CCDC146: variants seen among roughly 807,000 people sequenced by gnomAD.
The protein encoded by CCDC146 is coiled-coil domain containing 146, also known as coiled-coil domain-containing protein 146.
CCDC146 carries 92 observed loss-of-function variants against 119.3 expected under a neutral mutation model. That is an observed-to-expected ratio of 0.77 (90% confidence interval 0.65 to 0.92). The LOEUF is 0.92. Ranked by LOEUF, CCDC146 falls within the 40% of genes least tolerant of loss-of-function variation. The probability of loss-of-function intolerance (pLI) is 0.00; values close to 1 mark genes in which losing one functional copy is unlikely to be tolerated. For missense variants in CCDC146, 1,000 were observed against 1,103.0 expected (o/e 0.91, Z 1.32); for synonymous variants, 372 against 371.8 (o/e 1.00, Z -0.01).
Position 77,295,077 on chromosome 7 carries a change from T to G in CCDC146, c.*211T>G. The G allele has an allele frequency of 1.9e-6, 1 of 519,056 alleles. No individual in the cohort carries two copies. The highest frequency in any genetic ancestry group is 3.4e-6 in the Non-Finnish European group (1 of 293,726). The allele number at this position is 519,056 out of a possible 1,614,324, so 32.2% of individuals were successfully genotyped here. A position where few individuals can be genotyped will look rare whatever the true frequency, so the allele number is the denominator to read the frequency against. On this transcript the variant is annotated 3_prime_UTR_variant, in exon 19 of 19. Transcript: ENST00000285871. ...AATGGGACATAGAACTGTCCTACATTTATGTCAAAGTATATATTTGAATCG... is the reference window on the plus strand; with the variant it reads ...AATGGGACATAGAACTGTCCTACATGTATGTCAAAGTATATATTTGAATCG...
At chr7:77,155,358 G>A (rs898277454) in intron 1 of CCDC146, among the ~76,000 whole-genome samples, 3 of 151,984 alleles carry the variant, frequency 2.0e-5, no homozygotes, top group Non-Finnish European at 4.4e-5. Flanking sequence ...GATTTACACT[G>A]TGTTGGCTTG....
In CCDC146 at chr7:77,267,712, T is replaced by A. The variant is rs1340230278; in HGVS notation, c.1173+5405T>A. 3.9e-5 allele frequency among the ~76,000 whole-genome samples: 6 copies of A among 152,332 alleles called. No homozygotes were observed. In the East Asian group the frequency reaches 1.2e-3, roughly 29 times the overall value. On this transcript the variant is annotated intron_variant, in intron 9 of 18. Transcript: ENST00000285871. ...CGTGCCTGAGCCATGTGATATTATA[T>A]AATTACCCTTACAAAATTTTGTGTT...
chr7:77,129,466 A>G (rs1317096989), intron 1 of CCDC146, among the ~76,000 whole-genome samples: 7 of 152,074 alleles, frequency 4.6e-5, no homozygotes, highest in Non-Finnish European at 1.0e-4. Context: ...AAAAAACTAT[A>G]TGCTGAGATT....
chr7:77,213,321 G>C (rs1377505693), intron 2 of CCDC146, among the ~76,000 whole-genome samples: 1 of 151,572 alleles, frequency 6.6e-6, no homozygotes, highest in Non-Finnish European at 1.5e-5. Context: ...TTAAATTCCT[G>C]ATTTCAATCA....
intron 9 of CCDC146, 61 bp from the exon 10 acceptor site, chr7:77,273,633 C>T (rs991966906): frequency 2.7e-5 from 35 of 1,285,776 alleles, no homozygotes; most frequent in Non-Finnish European, 1.4e-5. Flanking sequence ...CAATTCTCTG[C>T]CTCAGCCTCC....
chr7:77,149,953 A>G (rs3095453), intron 1 of CCDC146, among the ~76,000 whole-genome samples: 22,250 of 151,560 alleles, frequency 0.15, 2,343 homozygotes, highest in Non-Finnish European at 0.21. Flanking sequence ...ATTCAATGGG[A>G]AGAAGATCTT....
chr7:77,197,740 G>C (rs1319071237), intron 2 of CCDC146, among the ~76,000 whole-genome samples: 1 of 152,264 alleles, frequency 6.6e-6, no homozygotes, highest in Admixed American at 6.5e-5. Context: ...AAGTGAAAAA[G>C]AAGTATCTTT....
At chr7:77,155,380 A>G (rs993828970) in intron 1 of CCDC146, among the ~76,000 whole-genome samples, 21 of 152,062 alleles carry the variant, frequency 1.4e-4, no homozygotes, top group Non-Finnish European at 2.8e-4. Context: ...TTTTTCTAAA[A>G]GAGTCCTAGC....
At chr7:77,216,626 CTT>C (rs935617398) in intron 2 of CCDC146, among the ~76,000 whole-genome samples, 4 of 152,128 alleles carry the variant, frequency 2.6e-5, no homozygotes, top group African/African-American at 9.7e-5. Flanking sequence ...TAACTCCTCT[CTT>C]AGAATCCCTA....
intron 2 of CCDC146, among the ~76,000 whole-genome samples, chr7:77,225,627 T>C (rs1303613598): frequency 6.7e-6 from 1 of 149,052 alleles, no homozygotes; most frequent in East Asian, 2.0e-4. Context: ...ACTTGACTAC[T>C]AGACTATGCT....
chr7:77,232,953 C>G (rs535820807), intron 2 of CCDC146, among the ~76,000 whole-genome samples: 1 of 152,308 alleles, frequency 6.6e-6, no homozygotes, highest in African/African-American at 2.4e-5. Flanking sequence ...GCCACAGTTT[C>G]TTGCTGAGCT....
In CCDC146 at chr7:77,280,667, G is replaced by A. The variant is rs1297365505; in HGVS notation, c.1919+14G>A. ...TCGAAATGAAAGGTAAAAACCAGGT[G>A]TGAGAACAGAGCACCAGGGATCCAA... On this transcript the variant is annotated intron_variant, in intron 14 of 18. Coordinates refer to ENST00000285871, the MANE Select transcript of CCDC146 (RefSeq NM_020879.3). The A allele has an allele frequency of 6.3e-7, 1 of 1,583,270 alleles. No homozygotes were observed. The highest frequency in any genetic ancestry group is 8.6e-7 in the Non-Finnish European group (1 of 1,158,814).
At chr7:77,163,695 A>G (rs1162707726) in intron 1 of CCDC146, among the ~76,000 whole-genome samples, 1 of 152,110 alleles carries the variant, frequency 6.6e-6, no homozygotes, top group Non-Finnish European at 1.5e-5. Context: ...TTTTGCTTCA[A>G]AATAACCTAG....
At chr7:77,242,214 T>C in intron 4 of CCDC146, 1 of 347,858 alleles carries the variant, frequency 2.9e-6, no homozygotes, top group Non-Finnish European at 5.1e-6. Context: ...TCCCCTGCCC[T>C]GGCAGTGGCC....
rs779197829 is a variant in CCDC146 at position 77,279,080 on chromosome 7, A to G, written c.1673A>G (p.Asn558Ser). The change falls in exon 13 of 19, where the codon AAT (asparagine) becomes AGT (serine). Residue 558 changes from asparagine (N) to serine (S), a missense_variant. Coordinates refer to ENST00000285871, the MANE Select transcript of CCDC146 (RefSeq NM_020879.3). Reference protein sequence around the residue: ...MSLNELEILRNSAVSQERKLQ... With the variant: ...MSLNELEILRSSAVSQERKLQ... ...TTAAATGAACTTGAAATTCTGAGAA[A>G]TAGTGCCGTTAGTCAAGAAAGGTAA... is the stretch of plus-strand genomic sequence containing the variant. 1 of 1,610,720 alleles carries G rather than the reference A, an allele frequency of 6.2e-7. No homozygotes were observed. The highest frequency in any genetic ancestry group is 1.1e-5 in the South Asian group (1 of 90,142).
In CCDC146 at chr7:77,293,134, G is replaced by C; in HGVS notation, c.2598G>C (p.Glu866Asp). ...EKGLPLNKEI[E>D]KEWLKVLRDE... ...GTCTGCCACTCAATAAGGAAATTGA[G>C]AAAGAATGGTTGAAAGTCCTTCGAG... Residue 866 changes from glutamate (E) to aspartate (D), a missense_variant, in exon 18 of 19, where the codon GAG (glutamate) becomes GAC (aspartate). Glu to Asp is a conservative substitution (Grantham distance 45). Coordinates refer to ENST00000285871, the MANE Select transcript of CCDC146 (RefSeq NM_020879.3). The C allele has an allele frequency of 6.2e-7, 1 of 1,614,160 alleles. No homozygotes were observed. The highest frequency in any genetic ancestry group is 2.2e-5 in the East Asian group (1 of 44,882).
chr7:77,293,449 T>C (rs58071701), intron 18 of CCDC146, among the ~76,000 whole-genome samples: 33,858 of 152,192 alleles, frequency 0.22, 4,303 homozygotes, highest in African/African-American at 0.33. Context: ...CCTGGGCTGC[T>C]GAGGCTGAAC....
intron 3 of CCDC146, among the ~76,000 whole-genome samples, chr7:77,237,676 C>T (rs1230405317): frequency 6.6e-6 from 1 of 152,198 alleles, no homozygotes; most frequent in African/African-American, 2.4e-5. Flanking sequence ...CTCACCTCCT[C>T]CCCATATCAC....
chr7:77,191,421 A>G (rs996511322), intron 2 of CCDC146, among the ~76,000 whole-genome samples: 3 of 152,214 alleles, frequency 2.0e-5, no homozygotes, highest in African/African-American at 4.8e-5. Context: ...CTCTGTGGCA[A>G]CATATTATTA....
Sources: gnomAD v4.1 joint callset for allele counts (sites outside exome capture counted in the v4.1 genomes callset) on GRCh38, gnomAD v4.1.1 for gene constraint, MANE v1.5 for transcripts, NCBI Gene and HGNC (gene_info 2026-07-23, HGNC 2026-07-21) for gene names.